Variants in ABCC4 observed in about 807,000 individuals in gnomAD.
ABCC4 encodes the protein ATP binding cassette subfamily C member 4 (PEL blood group).
ABCC4 carries 102 observed loss-of-function variants against 168.5 expected under a neutral mutation model. That is an observed-to-expected ratio of 0.61 (90% CI 0.52 to 0.71). ABCC4 has a LOEUF of 0.71. Ranked by LOEUF, ABCC4 falls within the 30% of genes least tolerant of loss-of-function variation. The pLI, the probability that ABCC4 is intolerant of heterozygous loss-of-function variation, is 0.00. For missense variants in ABCC4, 1,402 were observed against 1,605.8 expected, an observed-to-expected ratio of 0.87 and a Z score of 2.17; for synonymous variants, 617 against 590.7, an observed-to-expected ratio of 1.04 and a Z score of -0.65.
intron 3 of ABCC4, among the ~76,000 whole-genome samples, chr13:95,246,729 G>T (rs1013677895): frequency 6.6e-6 from 1 of 152,130 alleles, no homozygotes; most frequent in Non-Finnish European, 1.5e-5. Context: ...ATTTTAATTG[G>T]TTACAAGAAA....
At chr13:95,119,380 G>A (rs915834464) in intron 19 of ABCC4, among the ~76,000 whole-genome samples, 10 of 152,020 alleles carry the variant, frequency 6.6e-5, no homozygotes, top group Admixed American at 5.2e-4. Flanking sequence ...GGAAACAACC[G>A]AAATGTCTGA....
chr13:95,161,346 G>C lies in ABCC4; in HGVS notation c.2309-11C>G. ...TAGCTACAGTTAAACCTGAAATAAAGAAATATCACTTAGAGAACACAGCAT... is the reference window on the plus strand; with the variant it reads ...TAGCTACAGTTAAACCTGAAATAAACAAATATCACTTAGAGAACACAGCAT... On this transcript the variant is annotated splice_polypyrimidine_tract_variant and intron_variant, in intron 18 of 30. Coordinates refer to ENST00000645237, the MANE Select transcript of ABCC4 (RefSeq NM_005845.5). The C allele has an allele frequency of 6.4e-7, 1 of 1,564,076 alleles. No individual in the cohort carries two copies.
At chr13:95,156,278 A>T (rs2036851023) in intron 19 of ABCC4, among the ~76,000 whole-genome samples, 1 of 152,260 alleles carries the variant, frequency 6.6e-6, no homozygotes. Context: ...ATATTAACAC[A>T]TATCAAGATA....
At chr13:95,079,563 G>A (rs1594061827) in intron 21 of ABCC4, among the ~76,000 whole-genome samples, 3 of 152,118 alleles carry the variant, frequency 2.0e-5, no homozygotes, top group Admixed American at 6.5e-5. Context: ...AGCTGGGTGC[G>A]ATGGCTCACG....
chr13:95,062,845 T>G lies in ABCC4; in HGVS notation c.3225A>C (p.Gly1075=). Reference sequence around the variant, plus strand: ...GGGAACTTTTTCCAGCTCCGGTTCTTCCCACAATGCCAACCTACAGAGAGA... The same window carrying G: ...GGGAACTTTTTCCAGCTCCGGTTCTGCCCACAATGCCAACCTACAGAGAGA... ...IKSQEKVGIV[G]RTGAGKSSLI... The change falls in exon 26 of 31, where the codon GGA becomes GGC. Residue 1075 remains glycine, a synonymous_variant. Transcript: ENST00000645237. 6.2e-7 allele frequency: 1 copy of G among 1,612,618 alleles called. No individual in the cohort carries two copies. The highest frequency in any genetic ancestry group is 1.1e-5 in the South Asian group (1 of 90,872).
In ABCC4 at chr13:95,289,787, C is replaced by T. The variant is rs1015594558; in HGVS notation, c.74+11454G>A. On this transcript the variant is annotated intron_variant, in intron 1 of 30. Transcript: ENST00000645237. ...CTTGGGCTTCAGTGCCCATCAGAAACGTAGAGAACCTTTTTAAAATATTGA... is the reference window on the plus strand; with the variant it reads ...CTTGGGCTTCAGTGCCCATCAGAAATGTAGAGAACCTTTTTAAAATATTGA... 9.2e-5 allele frequency among the ~76,000 whole-genome samples: 14 copies of T among 152,110 alleles called. No individual in the cohort carries two copies. In the South Asian group the frequency reaches 1.9e-3, roughly 20 times the overall value.
intron 9 of ABCC4, among the ~76,000 whole-genome samples, chr13:95,189,965 T>C (rs983520462): frequency 1.2e-4 from 18 of 151,860 alleles, no homozygotes; most frequent in Admixed American, 1.3e-4. Flanking sequence ...AATTCTATGA[T>C]AAAAAGATTC....
intron 1 of ABCC4, among the ~76,000 whole-genome samples, chr13:95,283,373 T>G (rs1490199679): frequency 1.4e-5 from 1 of 72,208 alleles, no homozygotes; most frequent in East Asian, 4.2e-4. Context: ...TTTTTTTTTT[T>G]TTTTTTTTTT....
rs575210475 is a variant in ABCC4, at chr13:95,069,489, T to C, written c.3210+2173A>G. On this transcript the variant is annotated intron_variant, in intron 25 of 30. Coordinates refer to ENST00000645237, the MANE Select transcript of ABCC4 (RefSeq NM_005845.5). Reference sequence around the variant, plus strand: ...ACATAAAATTGATCATTGTAATCACTTGAAAATGTTCAGTTCAATTATATT... The same window carrying C: ...ACATAAAATTGATCATTGTAATCACCTGAAAATGTTCAGTTCAATTATATT... Among the ~76,000 whole-genome samples, 15 of 152,366 alleles carry C rather than the reference T, an allele frequency of 9.8e-5. No homozygotes were observed. In the East Asian group the frequency reaches 2.3e-3, roughly 23 times the overall value.
At chr13:95,047,520 C>T (rs149111014) in intron 27 of ABCC4, among the ~76,000 whole-genome samples, 2,536 of 122,634 alleles carry the variant, frequency 0.021, 66 homozygotes, top group African/African-American at 0.073. Context: ...TGCTCTGTCA[C>T]CCAGGTTGGA....
chr13:95,161,321 T>TCTTGCTATGCCAAAA lies in ABCC4; in HGVS notation c.2322_2323insTTTTGGCATAGCAAG (p.Ala774_Thr775insPheTrpHisSerLys). 6.3e-7 allele frequency: 1 copy of TCTTGCTATGCCAAAA among 1,585,708 alleles called. No individual in the cohort carries two copies. The highest frequency in any genetic ancestry group is 8.5e-7 in the Non-Finnish European group (1 of 1,170,900). On this transcript the variant is annotated inframe_insertion, in exon 19 of 31. Transcript: ENST00000645237. ...GATCTTGCTATGCCAAAAAGAACGGTAGCTACAGTTAAACCTGAAATAAAG... is the reference window on the plus strand; with the variant it reads ...GATCTTGCTATGCCAAAAAGAACGGTCTTGCTATGCCAAAAAGCTACAGTTAAACCTGAAATAAAG...
chr13:95,046,598 C>A (rs1230369591), intron 27 of ABCC4, among the ~76,000 whole-genome samples: 1 of 152,090 alleles, frequency 6.6e-6, no homozygotes, highest in East Asian at 1.9e-4. Context: ...AATCCCATCT[C>A]TACTAATAAT....
chr13:95,297,927 A>G (rs910114767), intron 1 of ABCC4, among the ~76,000 whole-genome samples: 1 of 152,228 alleles, frequency 6.6e-6, no homozygotes, highest in East Asian at 1.9e-4. Context: ...TGATAATTTA[A>G]AAGGACTCCG....
chr13:95,240,389 G>A (rs2039903028), intron 3 of ABCC4, among the ~76,000 whole-genome samples: 1 of 151,258 alleles, frequency 6.6e-6, no homozygotes, highest in Non-Finnish European at 1.5e-5. Context: ...AAATTACCCG[G>A]GCATGGTGGC....
intron 14 of ABCC4, among the ~76,000 whole-genome samples, chr13:95,168,767 C>T (rs148272351): frequency 3.5e-4 from 54 of 152,266 alleles, no homozygotes; most frequent in Non-Finnish European, 6.0e-4. Context: ...ATGAAACCAC[C>T]GCTGGGCTGA....
chr13:95,175,660 G>C (rs752124948), intron 13 of ABCC4, among the ~76,000 whole-genome samples: 1 of 152,194 alleles, frequency 6.6e-6, no homozygotes, highest in Non-Finnish European at 1.5e-5. Context: ...ATGAGGGTGG[G>C]CCCTACTCTA....
chr13:95,032,323 A>G (rs1430623995), intron 30 of ABCC4, among the ~76,000 whole-genome samples: 1 of 152,226 alleles, frequency 6.6e-6, no homozygotes, highest in East Asian at 1.9e-4. Flanking sequence ...TGCACAGTGC[A>G]CATCTGACAC....
At chr13:95,219,097 G>A (rs991998314) in intron 4 of ABCC4, among the ~76,000 whole-genome samples, 1 of 152,156 alleles carries the variant, frequency 6.6e-6, no homozygotes, top group Non-Finnish European at 1.5e-5. Flanking sequence ...TACATTGAAG[G>A]AAATTAGTAC....
rs758157538 is a variant in ABCC4 at position 95,115,906 on chromosome 13, T to C, written c.2535+16A>G. ...CCGTTTTCCATTTGAGATCCTGACA[T>C]TACTCTCAACGTTACCTGGATGAAA... On this transcript the variant is annotated intron_variant, in intron 20 of 30. Coordinates refer to ENST00000645237, the MANE Select transcript of ABCC4 (RefSeq NM_005845.5). 2 of 1,599,952 alleles carry C rather than the reference T, an allele frequency of 1.3e-6. No individual in the cohort carries two copies. The highest frequency in any genetic ancestry group is 3.4e-5 in the Admixed American group (2 of 58,224).
Sources: allele counts gnomAD v4.1 joint callset (sites outside exome capture counted in the v4.1 genomes callset), GRCh38; gene constraint gnomAD v4.1.1; transcripts MANE v1.5; gene names NCBI Gene and HGNC (gene_info 2026-07-23, HGNC 2026-07-21).